VPS53: variants seen among roughly 807,000 people sequenced by gnomAD.
The protein encoded by VPS53 is vacuolar protein sorting-associated protein 53 homolog.
VPS53 carries 70 observed loss-of-function variants against 107.0 expected under a neutral mutation model. The observed-to-expected ratio is 0.65, with a 90% CI of 0.54 to 0.80. The LOEUF (loss-of-function observed/expected upper bound fraction) is 0.80, where lower values mean the gene tolerates loss of function less well. Ranked by LOEUF, VPS53 falls within the 30% of genes least tolerant of loss-of-function variation. The pLI is 0.00. For synonymous variants in VPS53, 409 were observed against 393.3 expected (o/e 1.04, Z -0.47); for missense variants, 917 against 1,049.4 (o/e 0.87, Z 1.74).
intron 7 of VPS53, among the ~76,000 whole-genome samples, chr17:643,089 ACT>A (rs1970504582): frequency 7.5e-6 from 1 of 133,814 alleles, no homozygotes. Flanking sequence ...TGAGGACAAC[ACT>A]CATACTTGGA....
At chr17:554,482 C>A (rs764850685) in intron 15 of VPS53, among the ~76,000 whole-genome samples, 2 of 152,192 alleles carry the variant, frequency 1.3e-5, no homozygotes, top group African/African-American at 2.4e-5. Context: ...TGGCTCACTG[C>A]AACCTCTGCC....
At chr17:714,451 T>C (rs939553390) in intron 1 of VPS53, 172 bp downstream of exon 1, 1 of 621,746 alleles carries the variant, frequency 1.6e-6, no homozygotes, top group Non-Finnish European at 2.8e-6. Flanking sequence ...TTCTCTTTCC[T>C]TTCCTTCTGA....
chr17:581,432 A>T (rs542537941), intron 13 of VPS53, among the ~76,000 whole-genome samples: 1 of 151,344 alleles, frequency 6.6e-6, no homozygotes, highest in East Asian at 2.0e-4. Context: ...TTCCCAGAGA[A>T]CTTCCCTCAA....
intron 2 of VPS53, among the ~76,000 whole-genome samples, chr17:704,124 A>G (rs537533215): frequency 2.6e-5 from 4 of 152,312 alleles, no homozygotes; most frequent in Admixed American, 6.5e-5. Context: ...AATTTCATTT[A>G]GTTTCCTCTA....
chr17:517,963 A>C lies in VPS53; in HGVS notation c.*1165T>G, dbSNP rs976777211. 6.6e-6 allele frequency: 1 copy of C among 152,226 alleles called. No individual in the cohort carries two copies. Among genetic ancestry groups the C allele is most frequent in the Non-Finnish European group, 1.5e-5 (1 of 68,104 alleles). 9.4% of individuals were successfully genotyped at this position (152,226 alleles called of 1,614,324 possible). A position where few individuals can be genotyped will look rare whatever the true frequency, so the allele number is the denominator to read the frequency against. On this transcript the variant is annotated 3_prime_UTR_variant, in exon 22 of 22. Coordinates refer to ENST00000437048, the MANE Select transcript of VPS53 (RefSeq NM_001128159.3). ...ACCTTGCAAATTTTTATTTTTGTAG[A>C]CATCTGTATGTTGCCCAGGCTGGTC...
intron 3 of VPS53, 21 bp from the exon 4 acceptor site, chr17:697,505 T>A (rs757094630): frequency 2.4e-5 from 38 of 1,584,684 alleles, no homozygotes; most frequent in Non-Finnish European, 3.2e-5. Flanking sequence ...AGTTCAAGGA[T>A]ACAGTCATTC....
In VPS53 at chr17:551,969, A is replaced by G; in HGVS notation, c.1788-19T>C. On this transcript the variant is annotated intron_variant, in intron 16 of 21. Coordinates refer to ENST00000437048, the MANE Select transcript of VPS53 (RefSeq NM_001128159.3). Reference sequence around the variant, plus strand: ...GATGACGCTGCAAATCAAACAAATCACTGTGGTCACCCTTTCAAACAACGG... The same window carrying G: ...GATGACGCTGCAAATCAAACAAATCGCTGTGGTCACCCTTTCAAACAACGG... The G allele has an allele frequency of 3.8e-6, 6 of 1,572,170 alleles. No individual in the cohort carries two copies. The highest frequency in any genetic ancestry group is 1.2e-5 in the South Asian group (1 of 85,696).
chr17:563,784 A>G (rs917992619), intron 13 of VPS53, among the ~76,000 whole-genome samples: 5 of 152,256 alleles, frequency 3.3e-5, no homozygotes, highest in African/African-American at 1.2e-4. Context: ...TCCTAAAAAC[A>G]AAAAGGTTAT....
intron 7 of VPS53, among the ~76,000 whole-genome samples, chr17:645,306 T>C (rs183684327): frequency 1.3e-5 from 2 of 152,342 alleles, no homozygotes; most frequent in Admixed American, 1.3e-4. Context: ...TTTATCTTCT[T>C]TGGAGAAATG....
In VPS53 at chr17:665,726, T is replaced by C. The variant is rs1489534667; in HGVS notation, c.286-3831A>G. Reference sequence around the variant, plus strand: ...GTTGGTAGAAATACAGACAGTAAGCTGGGCATGGTGGCTCACGCCTGTCAT... The same window carrying C: ...GTTGGTAGAAATACAGACAGTAAGCCGGGCATGGTGGCTCACGCCTGTCAT... On this transcript the variant is annotated intron_variant, in intron 4 of 21. Transcript: ENST00000437048. Among the ~76,000 whole-genome samples the C allele has an allele frequency of 3.9e-5, 6 of 152,312 alleles. No individual in the cohort carries two copies. In the East Asian group the frequency reaches 1.2e-3, roughly 29 times the overall value.
chr17:597,220 G>C (rs1968017358), intron 12 of VPS53, among the ~76,000 whole-genome samples: 1 of 152,160 alleles, frequency 6.6e-6, no homozygotes, highest in South Asian at 2.1e-4. Flanking sequence ...GGGCCACATG[G>C]CTACTGACTG....
chr17:665,267 C>T (rs1202764893), intron 4 of VPS53, among the ~76,000 whole-genome samples: 1 of 152,130 alleles, frequency 6.6e-6, no homozygotes, highest in Non-Finnish European at 1.5e-5. Flanking sequence ...AAGGCCCTCG[C>T]CGCAGGACGA....
chr17:687,851 C>T (rs1242031625), intron 4 of VPS53, among the ~76,000 whole-genome samples: 1 of 152,162 alleles, frequency 6.6e-6, no homozygotes. Context: ...AGTTAAATAT[C>T]TTGTCCAAGG....
chr17:685,537 ATG>A (rs1238995875), intron 4 of VPS53, among the ~76,000 whole-genome samples: 4 of 152,214 alleles, frequency 2.6e-5, no homozygotes, highest in Non-Finnish European at 5.9e-5. Flanking sequence ...CTGTAGCCTA[ATG>A]TAAGTGTTCT....
At chr17:566,231 T>G (rs1351670716) in intron 13 of VPS53, among the ~76,000 whole-genome samples, 3 of 143,034 alleles carry the variant, frequency 2.1e-5, no homozygotes, top group Non-Finnish European at 4.6e-5. Flanking sequence ...AAGAAAGAAA[T>G]AACCTATCTT....
intron 7 of VPS53, among the ~76,000 whole-genome samples, chr17:652,369 T>A (rs1265388899): frequency 6.6e-6 from 1 of 152,222 alleles, no homozygotes; most frequent in African/African-American, 2.4e-5. Context: ...CAATGTGACT[T>A]TGACATTCCT....
At chr17:686,230 G>A (rs143200133) in intron 4 of VPS53, among the ~76,000 whole-genome samples, 2 of 152,202 alleles carry the variant, frequency 1.3e-5, no homozygotes, top group East Asian at 1.9e-4. Context: ...TGAGGTGGAA[G>A]GATCACGTGA....
chr17:598,235 T>G (rs147630762), intron 12 of VPS53, among the ~76,000 whole-genome samples: 32,875 of 152,072 alleles, frequency 0.22, 4,079 homozygotes, highest in Non-Finnish European at 0.28. Flanking sequence ...GGTGCCGGGA[T>G]TGCAGACGGA....
chr17:707,499 G>A (rs1325144626), intron 2 of VPS53, among the ~76,000 whole-genome samples: 2 of 146,506 alleles, frequency 1.4e-5, no homozygotes, highest in Non-Finnish European at 3.0e-5. Flanking sequence ...CAGCCTGGGG[G>A]ACAAGAATGA....
Sources: gnomAD v4.1 joint callset for allele counts (sites outside exome capture counted in the v4.1 genomes callset) on GRCh38, gnomAD v4.1.1 for gene constraint, MANE v1.5 for transcripts, NCBI Gene and HGNC (gene_info 2026-07-23, HGNC 2026-07-21) for gene names.